SRD5A2: variants seen among roughly 807,000 people sequenced by gnomAD.
SRD5A2 encodes 3-oxo-5-alpha-steroid 4-dehydrogenase 2.
Under a neutral mutation model 27.4 loss-of-function variants are expected in SRD5A2, and 30 were observed. The ratio of observed to expected loss-of-function variants is 1.10; its 90% CI spans 0.82 to 1.49. SRD5A2 has a LOEUF of 1.49. SRD5A2 is among the 40% of genes most tolerant of loss of function. SRD5A2 has a pLI of 0.00. For synonymous variants in SRD5A2, 141 were observed against 133.6 expected (o/e 1.06, Z -0.38); for missense variants, 348 against 323.4 (o/e 1.08, Z -0.58).
the SRD5A2 span, among the ~76,000 whole-genome samples, chr2:31,657,509 G>T: frequency 1.3e-5 from 2 of 152,032 alleles, no homozygotes. Flanking sequence ...TCCTTCCTCA[G>T]GCTCCCAAAG....
At chr2:31,538,470 GCCT>G (rs1430981444) in intron 1 of SRD5A2, among the ~76,000 whole-genome samples, 1 of 152,122 alleles carries the variant, frequency 6.6e-6, no homozygotes, top group Non-Finnish European at 1.5e-5. Flanking sequence ...ATTTGTAAAA[GCCT>G]CCTCATTTGA....
At chr2:31,552,940 T>G (rs975221369) in intron 1 of SRD5A2, among the ~76,000 whole-genome samples, 1 of 152,092 alleles carries the variant, frequency 6.6e-6, no homozygotes, top group Non-Finnish European at 1.5e-5. Flanking sequence ...GAAGTGGAGA[T>G]CTTTTAGATG....
At chr2:31,628,313 A>G in the SRD5A2 span, among the ~76,000 whole-genome samples, 1 of 151,552 alleles carries the variant, frequency 6.6e-6, no homozygotes, top group Non-Finnish European at 1.5e-5. Context: ...TCTGTTTTCC[A>G]TTTGCTTGGT....
chr2:31,529,488 T>C, intron 3 of SRD5A2, 31 bp from the exon 4 acceptor site: 2 of 1,605,396 alleles, frequency 1.2e-6, no homozygotes, highest in Non-Finnish European at 8.5e-7. Flanking sequence ...AGGTCAATCA[T>C]TGCAACTGAA....
chr2:31,536,013 T>G (rs1295227797), intron 1 of SRD5A2, among the ~76,000 whole-genome samples: 2 of 152,186 alleles, frequency 1.3e-5, no homozygotes, highest in African/African-American at 4.8e-5. Flanking sequence ...CTGGACTCAT[T>G]GGACTACTGT....
chr2:31,533,149 G>A (rs953749949), intron 2 of SRD5A2, among the ~76,000 whole-genome samples: 1 of 152,120 alleles, frequency 6.6e-6, no homozygotes, highest in Non-Finnish European at 1.5e-5. Context: ...TTTCCAATGT[G>A]GTCCAGGGAA....
At chr2:31,572,485 A>G (rs1666872189) in intron 1 of SRD5A2, among the ~76,000 whole-genome samples, 2 of 152,218 alleles carry the variant, frequency 1.3e-5, no homozygotes, top group Non-Finnish European at 2.9e-5. Flanking sequence ...GACAGTTAAG[A>G]GAATAAAAGA....
chr2:31,642,695 A>AG, the SRD5A2 span, among the ~76,000 whole-genome samples: 1 of 152,084 alleles, frequency 6.6e-6, no homozygotes, highest in African/African-American at 2.4e-5. Flanking sequence ...TGAAAAGTCC[A>AG]CAAACATACT....
At chr2:31,619,970 C>T in the SRD5A2 span, among the ~76,000 whole-genome samples, 3 of 151,792 alleles carry the variant, frequency 2.0e-5, no homozygotes, top group African/African-American at 7.3e-5. Flanking sequence ...AATTTTTGTT[C>T]TTGTTACAAT....
chr2:31,625,174 G>T, the SRD5A2 span, among the ~76,000 whole-genome samples: 19 of 152,280 alleles, frequency 1.2e-4, no homozygotes, highest in African/African-American at 4.6e-4. Flanking sequence ...AGAAGTGTCT[G>T]TTCATATCCT....
At chr2:31,575,908 C>A (rs1666949336) in intron 1 of SRD5A2, among the ~76,000 whole-genome samples, 1 of 152,182 alleles carries the variant, frequency 6.6e-6, no homozygotes, top group Admixed American at 6.5e-5. Context: ...GTATGGAACA[C>A]CAAGACTTCT....
chr2:31,593,771 G>A, the SRD5A2 span, among the ~76,000 whole-genome samples: 6 of 152,214 alleles, frequency 3.9e-5, no homozygotes, highest in South Asian at 4.2e-4. Context: ...TCAAGATGAA[G>A]GAAAGAATCT....
At chr2:31,656,420 T>G in the SRD5A2 span, among the ~76,000 whole-genome samples, 1 of 152,212 alleles carries the variant, frequency 6.6e-6, no homozygotes, top group South Asian at 2.1e-4. Flanking sequence ...TGGACATGTT[T>G]TCCCTCTATT....
the SRD5A2 span, among the ~76,000 whole-genome samples, chr2:31,650,867 A>G: frequency 6.6e-6 from 1 of 152,138 alleles, no homozygotes; most frequent in East Asian, 1.9e-4. Context: ...GCACAACTAC[A>G]AAAGGTGCTA....
intron 1 of SRD5A2, among the ~76,000 whole-genome samples, chr2:31,536,937 T>C (rs1342640334): frequency 6.6e-6 from 1 of 152,214 alleles, no homozygotes; most frequent in Non-Finnish European, 1.5e-5. Context: ...GACTGATAAG[T>C]ACTCTGTAAA....
At chr2:31,626,685 C>T in the SRD5A2 span, among the ~76,000 whole-genome samples, 2 of 152,160 alleles carry the variant, frequency 1.3e-5, no homozygotes, top group African/African-American at 4.8e-5. Context: ...TTGAACCAGC[C>T]TTGCATCCCA....
chr2:31,604,404 CA>C, the SRD5A2 span, among the ~76,000 whole-genome samples: 1 of 151,500 alleles, frequency 6.6e-6, no homozygotes, highest in Non-Finnish European at 1.5e-5. Flanking sequence ...ATTTAATTTA[CA>C]AAAATTATTA....
chr2:31,596,880 G>C, the SRD5A2 span, among the ~76,000 whole-genome samples: 1 of 152,144 alleles, frequency 6.6e-6, no homozygotes, highest in Admixed American at 6.6e-5. Flanking sequence ...TCAAGCTCAT[G>C]GATGGGTAGA....
At chr2:31,552,022 C>G (rs1666390656) in intron 1 of SRD5A2, among the ~76,000 whole-genome samples, 1 of 151,682 alleles carries the variant, frequency 6.6e-6, no homozygotes, top group African/African-American at 2.4e-5. Flanking sequence ...ACCAAAAGCA[C>G]CATCCATAAA....
Sources: gnomAD v4.1 joint callset for allele counts (sites outside exome capture counted in the v4.1 genomes callset) on GRCh38, gnomAD v4.1.1 for gene constraint, MANE v1.5 for transcripts, NCBI Gene and HGNC (gene_info 2026-07-23, HGNC 2026-07-21) for gene names.